Variants in EYA2 observed in about 807,000 individuals in gnomAD.
The protein encoded by EYA2 is EYA transcriptional coactivator and phosphatase 2.
Under a neutral mutation model 69.2 loss-of-function variants are expected in EYA2, and 31 were observed. That is an observed-to-expected ratio of 0.45 (90% confidence interval 0.34 to 0.60). The LOEUF (loss-of-function observed/expected upper bound fraction) is 0.60, where lower values mean the gene tolerates loss of function less well. EYA2 is among the 20% of genes least tolerant of loss of function. EYA2 has a pLI of 0.02. For synonymous variants in EYA2, 257 were observed against 279.4 expected (o/e 0.92, Z 0.80); for missense variants, 622 against 701.2 (o/e 0.89, Z 1.28).
chr20:46,895,164 G>A (rs1410082172), intron 1 of EYA2, among the ~76,000 whole-genome samples, 177 bp downstream of exon 1: 1 of 152,240 alleles, frequency 6.6e-6, no homozygotes, highest in African/African-American at 2.4e-5. Context: ...GAAGGCACAA[G>A]GGCAGAGGGG....
chr20:47,170,862 C>T (rs983604461), intron 11 of EYA2, among the ~76,000 whole-genome samples: 9 of 152,344 alleles, frequency 5.9e-5, no homozygotes, highest in Admixed American at 1.3e-4. Context: ...TTAGTAGCTG[C>T]TTCCAAGGTG....
At position 47,148,245 on chromosome 20, in the gene EYA2, C is replaced by A. The variant is rs539422145; in HGVS notation, c.978+5097C>A. On this transcript the variant is annotated intron_variant, in intron 10 of 15. Transcript: ENST00000327619. ...GGGCAAGTCTCTCCATCCCTCTGAG[C>A]CTCAGTTTGCTCATCTGTTAAATGG... Among the ~76,000 whole-genome samples, 6 of 152,154 alleles carry A rather than the reference C, an allele frequency of 3.9e-5. No homozygotes were observed. The East Asian group carries it at 1.2e-3, about 29-fold the overall frequency.
intron 1 of EYA2, among the ~76,000 whole-genome samples, chr20:46,935,804 G>A (rs777752280): frequency 1.2e-3 from 189 of 151,644 alleles, no homozygotes; most frequent in Non-Finnish European, 2.3e-3. Context: ...GCAATAGTTC[G>A]TTATATTAAT....
At chr20:47,140,132 C>T (rs139925597) in intron 9 of EYA2, among the ~76,000 whole-genome samples, 9 of 152,240 alleles carry the variant, frequency 5.9e-5, no homozygotes, top group Admixed American at 6.5e-5. Context: ...ATTAGGTGCA[C>T]GAATTGCTCC....
intron 5 of EYA2, among the ~76,000 whole-genome samples, chr20:47,021,209 A>G (rs1270184692): frequency 6.6e-6 from 1 of 152,166 alleles, no homozygotes; most frequent in Non-Finnish European, 1.5e-5. Context: ...GTTCGCTTCT[A>G]TTTCCTGAAC....
At chr20:47,112,453 A>T (rs1336307637) in intron 9 of EYA2, among the ~76,000 whole-genome samples, 1 of 152,234 alleles carries the variant, frequency 6.6e-6, no homozygotes, top group Non-Finnish European at 1.5e-5. Context: ...AATTAAAACT[A>T]TTAAAAATTA....
intron 1 of EYA2, among the ~76,000 whole-genome samples, chr20:46,940,407 C>T (rs1237465835): frequency 1.3e-5 from 2 of 152,158 alleles, no homozygotes; most frequent in African/African-American, 2.4e-5. Flanking sequence ...TAACTCTGGT[C>T]CTGTGTGGAG....
chr20:47,126,187 GGCCAAACGCCTCCCCC>G (rs2033186603), intron 9 of EYA2, among the ~76,000 whole-genome samples: 1 of 152,210 alleles, frequency 6.6e-6, no homozygotes, highest in African/African-American at 2.4e-5. Flanking sequence ...CAAAGCGCGA[GGCCAAACGCCTCCCCC>G]GACCTTCCCT....
At chr20:46,998,756 C>T (rs1225901440) in intron 2 of EYA2, among the ~76,000 whole-genome samples, 1 of 152,240 alleles carries the variant, frequency 6.6e-6, no homozygotes, top group Non-Finnish European at 1.5e-5. Context: ...AATACACTCA[C>T]TCTCCAGTTT....
chr20:46,974,730 G>C (rs192439766), intron 1 of EYA2, among the ~76,000 whole-genome samples: 1 of 139,884 alleles, frequency 7.1e-6, no homozygotes, highest in Admixed American at 7.0e-5. Context: ...TTGGGGTGTG[G>C]GTTTGGTTTG....
At chr20:47,175,426 C>T (rs1190021015) in intron 12 of EYA2, among the ~76,000 whole-genome samples, 3 of 152,282 alleles carry the variant, frequency 2.0e-5, no homozygotes, top group East Asian at 3.9e-4. Flanking sequence ...TATTTGACCT[C>T]CCTGTGCCTC....
intron 1 of EYA2, among the ~76,000 whole-genome samples, chr20:46,989,123 A>G (rs1568708056): frequency 6.6e-6 from 1 of 152,102 alleles, no homozygotes; most frequent in Non-Finnish European, 1.5e-5. Context: ...CCCCCATAAC[A>G]TATTATAAAA....
chr20:46,939,526 G>A (rs1178702282), intron 1 of EYA2, among the ~76,000 whole-genome samples: 1 of 151,946 alleles, frequency 6.6e-6, no homozygotes, highest in East Asian at 1.9e-4. Flanking sequence ...GAGTCAATAA[G>A]TTCCCCTTTT....
chr20:47,137,421 T>C (rs1438937581), intron 9 of EYA2, among the ~76,000 whole-genome samples: 1 of 152,188 alleles, frequency 6.6e-6, no homozygotes, highest in Non-Finnish European at 1.5e-5. Context: ...CTTCCACACG[T>C]GCTGTCTGAT....
Position 47,036,504 on chromosome 20 carries a change from G to C in EYA2, c.415+20207G>C, listed in dbSNP as rs189899722. Among the ~76,000 whole-genome samples, 19 of 152,324 alleles carry C rather than the reference G, an allele frequency of 1.2e-4. No homozygotes were observed. The East Asian group carries it at 3.5e-3, about 28-fold the overall frequency. On this transcript the variant is annotated intron_variant, in intron 5 of 15. Coordinates refer to ENST00000327619, the MANE Select transcript of EYA2 (RefSeq NM_005244.5). ...GCAGGGCTAGGAGGGTAAGCAGACA[G>C]ATTTGGCAATACAGGGACTGTTATA...
chr20:47,089,714 G>T (rs2032014786), intron 8 of EYA2, among the ~76,000 whole-genome samples: 1 of 152,156 alleles, frequency 6.6e-6, no homozygotes, highest in Non-Finnish European at 1.5e-5. Context: ...GCCCCCAGAT[G>T]ATTATGATGC....
intron 9 of EYA2, among the ~76,000 whole-genome samples, chr20:47,114,337 C>T (rs868232542): frequency 6.6e-6 from 1 of 152,316 alleles, no homozygotes; most frequent in Middle Eastern, 3.4e-3. Context: ...CAGCCTTGGC[C>T]GGCCACGGTG....
At chr20:47,102,930 CTTTGCCTGTGG>C (rs2032465619) in intron 9 of EYA2, among the ~76,000 whole-genome samples, 1 of 152,152 alleles carries the variant, frequency 6.6e-6, no homozygotes, top group South Asian at 2.1e-4. Flanking sequence ...GGTCAAGAGC[CTTTGCCTGTGG>C]CCAGGAAGGG....
intron 2 of EYA2, among the ~76,000 whole-genome samples, chr20:46,991,232 A>T (rs879814186): frequency 6.6e-6 from 1 of 152,248 alleles, no homozygotes; most frequent in African/African-American, 2.4e-5. Context: ...ACGCAAGTCA[A>T]CTGTCTTCAT....
Sources: allele counts gnomAD v4.1 joint callset (sites outside exome capture counted in the v4.1 genomes callset), GRCh38; gene constraint gnomAD v4.1.1; transcripts MANE v1.5; gene names NCBI Gene and HGNC (gene_info 2026-07-23, HGNC 2026-07-21).